Variants in PRKG1 observed in about 807,000 individuals in gnomAD.
PRKG1 encodes protein kinase cGMP-dependent 1.
A neutral mutation model predicts 88.1 loss-of-function variants in PRKG1; 35 were observed. The observed-to-expected ratio is 0.40, with a 90% CI of 0.30 to 0.53. The LOEUF (loss-of-function observed/expected upper bound fraction) is 0.53, where lower values mean the gene tolerates loss of function less well. Ranked by LOEUF, PRKG1 falls within the 20% of genes least tolerant of loss-of-function variation. The probability of loss-of-function intolerance (pLI) is 0.59; values close to 1 mark genes in which losing one functional copy is unlikely to be tolerated. For synonymous variants in PRKG1, 303 were observed against 292.5 expected (o/e 1.04, Z -0.37); for missense variants, 540 against 839.8 (o/e 0.64, Z 4.41).
At chr10:51,944,440 G>A (rs1370585907) in intron 5 of PRKG1, among the ~76,000 whole-genome samples, 2 of 151,818 alleles carry the variant, frequency 1.3e-5, no homozygotes, top group African/African-American at 2.4e-5. Flanking sequence ...AGGGTTTTTT[G>A]TATCTCTATT....
At position 51,818,781 on chromosome 10, in the gene PRKG1, G is replaced by A; in HGVS notation, c.698+14091G>A. Reference sequence around the variant, plus strand: ...CCAGCACTTTGGGAGGCCGAGGCGGGCGGATCACGAGGTCAGGAGATCGAG... The same window carrying A: ...CCAGCACTTTGGGAGGCCGAGGCGGACGGATCACGAGGTCAGGAGATCGAG... On this transcript the variant is annotated intron_variant, in intron 4 of 17. Coordinates refer to ENST00000373980, the MANE Select transcript of PRKG1 (RefSeq NM_006258.4). Among the ~76,000 whole-genome samples, 2 of 99,256 alleles carry A rather than the reference G, an allele frequency of 2.0e-5. 1 individual carries two copies. The highest frequency in any genetic ancestry group is 5.9e-4 in the East Asian group (2 of 3,370). 65.1% of individuals were successfully genotyped at this position (99,256 alleles called of 152,430 possible).
intron 3 of PRKG1, among the ~76,000 whole-genome samples, chr10:51,507,126 G>A (rs1841237322): frequency 6.9e-6 from 1 of 145,908 alleles, no homozygotes; most frequent in Non-Finnish European, 1.5e-5. Flanking sequence ...ACAGGAAGGG[G>A]AACATCACAC....
chr10:51,299,938 A>G (rs111409340), intron 2 of PRKG1, among the ~76,000 whole-genome samples: 56 of 152,282 alleles, frequency 3.7e-4, no homozygotes, highest in African/African-American at 1.2e-3. Flanking sequence ...ATTCTTCTTT[A>G]GGTACTATCA....
chr10:51,113,556 T>A (rs1413491053), intron 1 of PRKG1, among the ~76,000 whole-genome samples: 1 of 152,122 alleles, frequency 6.6e-6, no homozygotes, highest in African/African-American at 2.4e-5. Flanking sequence ...TTGACATCTA[T>A]ACATGTGTAG....
At chr10:51,048,442 A>G (rs1321673423) in intron 1 of PRKG1, among the ~76,000 whole-genome samples, 2 of 152,044 alleles carry the variant, frequency 1.3e-5, no homozygotes, top group Non-Finnish European at 2.9e-5. Flanking sequence ...CCCAAATCCC[A>G]CTAGCACTGT....
At chr10:51,359,971 G>A (rs1052214840) in intron 2 of PRKG1, among the ~76,000 whole-genome samples, 1 of 151,904 alleles carries the variant, frequency 6.6e-6, no homozygotes, top group African/African-American at 2.4e-5. Context: ...TGAATGACAA[G>A]GGTATTTTTA....
chr10:51,625,245 A>T (rs1839306240), intron 3 of PRKG1, among the ~76,000 whole-genome samples: 1 of 152,160 alleles, frequency 6.6e-6, no homozygotes. Context: ...TGGGAGGCTG[A>T]GCGGGTGGAT....
At chr10:51,197,694 A>G (rs1164913986) in intron 2 of PRKG1, among the ~76,000 whole-genome samples, 1 of 152,002 alleles carries the variant, frequency 6.6e-6, no homozygotes. Flanking sequence ...ACAAATCATT[A>G]AAAGGCTATC....
At chr10:51,698,718 C>G in intron 3 of PRKG1, 1 of 1,614,210 alleles carries the variant, frequency 6.2e-7, no homozygotes, top group Non-Finnish European at 8.5e-7. Flanking sequence ...GTTAAGGAAC[C>G]AGGACCAGCT....
At chr10:51,651,482 C>A (rs7895839) in intron 3 of PRKG1, among the ~76,000 whole-genome samples, 78,571 of 151,766 alleles carry the variant, frequency 0.52, 22,098 homozygotes, top group East Asian at 0.72. Context: ...TTTCTTCTTA[C>A]TACTCCCCTA....
chr10:52,237,392 G>A (rs1343981120), intron 9 of PRKG1, among the ~76,000 whole-genome samples: 1 of 128,654 alleles, frequency 7.8e-6, no homozygotes, highest in Non-Finnish European at 1.6e-5. Context: ...CCTGTTTGCA[G>A]ACGACATGAT....
intron 2 of PRKG1, among the ~76,000 whole-genome samples, chr10:51,229,926 C>CAAAAAAAAAAAAAAAAAAAAAAAA (rs35300789): frequency 3.0e-5 from 1 of 33,544 alleles, no homozygotes; most frequent in African/African-American, 8.3e-5. Flanking sequence ...GAGGCGATCT[C>CAAAAAAAAAAAAAAAAAAAAAAAA]AAAAAAAAAA....
intron 2 of PRKG1, among the ~76,000 whole-genome samples, chr10:51,274,047 T>C (rs1294976295): frequency 1.3e-5 from 2 of 152,192 alleles, no homozygotes; most frequent in Non-Finnish European, 2.9e-5. Flanking sequence ...GTTGTGAGCT[T>C]TAAATAAAAT....
intron 3 of PRKG1, among the ~76,000 whole-genome samples, chr10:51,735,835 G>T (rs4935279): frequency 0.35 from 50,879 of 144,046 alleles, 10,010 homozygotes; most frequent in Middle Eastern, 0.52. Context: ...CCATGGATAT[G>T]GGGCAGGGGG....
intron 2 of PRKG1, among the ~76,000 whole-genome samples, chr10:51,465,566 C>T (rs1184265572): frequency 1.3e-5 from 2 of 152,050 alleles, no homozygotes; most frequent in Admixed American, 6.6e-5. Flanking sequence ...CAAATGTTGG[C>T]CAGACATAGA....
chr10:51,506,756 A>G (rs1331378354), intron 3 of PRKG1, among the ~76,000 whole-genome samples: 3 of 152,132 alleles, frequency 2.0e-5, no homozygotes, highest in African/African-American at 4.8e-5. Context: ...ATTCCTCAGG[A>G]TCTAGAACTA....
chr10:52,280,481 C>T lies in PRKG1; in HGVS notation c.1404-308C>T, dbSNP rs74133304. Among the ~76,000 whole-genome samples the T allele has an allele frequency of 0.012, 1,858 of 152,102 alleles. 36 individuals carry two copies. Among genetic ancestry groups the T allele is most frequent in the African/African-American group, 0.043 (1,770 of 41,524 alleles). The stretch of plus-strand genomic sequence containing the variant: ...TACTTCTGTAAGTCTGTGCCTTTTT[C>T]GATTGTAGTGGGCTGTTGAGAGGAA... On this transcript the variant is annotated intron_variant, in intron 12 of 17. Coordinates refer to ENST00000373980, the MANE Select transcript of PRKG1 (RefSeq NM_006258.4).
chr10:50,995,900 A>G (rs1267500513), intron 1 of PRKG1, among the ~76,000 whole-genome samples: 1 of 152,214 alleles, frequency 6.6e-6, no homozygotes, highest in Non-Finnish European at 1.5e-5. Flanking sequence ...TCACTGGGGC[A>G]TGGATGCCTT....
chr10:51,696,914 G>T (rs148650617), intron 3 of PRKG1: 3 of 152,094 alleles, frequency 2.0e-5, no homozygotes, highest in African/African-American at 7.2e-5. Context: ...AGACTATTGA[G>T]AAATAGGAAG....
Sources: gnomAD v4.1 joint callset for allele counts (sites outside exome capture counted in the v4.1 genomes callset) on GRCh38, gnomAD v4.1.1 for gene constraint, MANE v1.5 for transcripts, NCBI Gene and HGNC (gene_info 2026-07-23, HGNC 2026-07-21) for gene names.